The following TNNT3 variants were observed in gnomAD, a reference collection of about 807,000 sequenced individuals.
The protein encoded by TNNT3 is troponin T3, fast skeletal type.
Under a neutral mutation model 54.2 loss-of-function variants are expected in TNNT3, and 36 were observed. That is an observed-to-expected ratio of 0.66 (90% CI 0.51 to 0.88). The LOEUF (loss-of-function observed/expected upper bound fraction) is 0.88, where lower values mean the gene tolerates loss of function less well. TNNT3 is among the 40% of genes least tolerant of loss of function. TNNT3 has a pLI of 0.00. For synonymous variants in TNNT3, 120 were observed against 109.7 expected (o/e 1.09, Z -0.59); for missense variants, 291 against 331.6 (o/e 0.88, Z 0.95).
intron 9 of TNNT3, 46 bp from the exon 10 acceptor site, chr11:1,933,675 G>T (rs1489408000): frequency 1.3e-6 from 2 of 1,499,910 alleles, no homozygotes; most frequent in African/African-American, 1.4e-5. Context: ...GCAGGGCAGA[G>T]GTTGGAGAGA....
chr11:1,935,014 C>G (rs1005178635), intron 14 of TNNT3, 95 bp downstream of exon 14: 1 of 1,218,036 alleles, frequency 8.2e-7, no homozygotes, highest in Admixed American at 1.7e-5. Flanking sequence ...TCTGGACCTG[C>G]CCACCCCAGG....
intron 11 of TNNT3, 124 bp downstream of exon 11, chr11:1,934,132 T>A: frequency 8.2e-7 from 1 of 1,220,024 alleles, no homozygotes; most frequent in Non-Finnish European, 1.2e-6. Flanking sequence ...TCAGAACCAC[T>A]GGCTAAGGCC....
intron 8 of TNNT3, among the ~76,000 whole-genome samples, chr11:1,931,329 T>C (rs563990605): frequency 1.3e-5 from 2 of 152,358 alleles, no homozygotes; most frequent in East Asian, 3.9e-4. Context: ...AGTATGAATG[T>C]TCTTAAGGCT....
chr11:1,934,736 A>T, intron 13 of TNNT3, 81 bp downstream of exon 13: 1 of 1,597,220 alleles, frequency 6.3e-7, no homozygotes, highest in Non-Finnish European at 8.6e-7. Flanking sequence ...GCTGCCAAGG[A>T]CCGTGCTCCC....
At position 1,937,950 on chromosome 11, in the gene TNNT3, G is replaced by A. The variant is rs1032049750; in HGVS notation, c.723-488G>A. ...GCCGCGTCTGAATGGGGCCGGCCTCGCGGGCCGAAGCACTCCTGTCCTCCA... is the reference window on the plus strand; with the variant it reads ...GCCGCGTCTGAATGGGGCCGGCCTCACGGGCCGAAGCACTCCTGTCCTCCA... On this transcript the variant is annotated intron_variant, in intron 15 of 15. Coordinates refer to ENST00000278317, the MANE Select transcript of TNNT3 (RefSeq NM_006757.4). Among the ~76,000 whole-genome samples the A allele has an allele frequency of 5.9e-5, 9 of 152,282 alleles. No individual in the cohort carries two copies. The East Asian group carries it at 7.7e-4, about 13-fold the overall frequency.
intron 5 of TNNT3, among the ~76,000 whole-genome samples, chr11:1,925,815 G>A (rs888412815): frequency 2.1e-4 from 32 of 152,202 alleles, no homozygotes; most frequent in African/African-American, 7.7e-4. Flanking sequence ...CCCTTGAGGT[G>A]CACACAGGCT....
intron 1 of TNNT3, 178 bp from the exon 2 acceptor site, chr11:1,922,679 C>T: frequency 3.1e-6 from 2 of 655,452 alleles, no homozygotes; most frequent in Non-Finnish European, 2.8e-6. Flanking sequence ...GCCAGGAGCC[C>T]TGGAGAAAGG....
chr11:1,920,520 G>C (rs944016095), intron 1 of TNNT3, among the ~76,000 whole-genome samples: 36 of 133,788 alleles, frequency 2.7e-4, no homozygotes, highest in Non-Finnish European at 4.4e-4. Flanking sequence ...TGTGCCGTCT[G>C]ATCAGGCCTT....
chr11:1,934,892 G>A lies in TNNT3; in HGVS notation c.654G>A (p.Gly218=), dbSNP rs146734590. ...HQLEIDKFEF[G]EKLKRQKYDI... is the part of the protein sequence containing the mutation. ...TGGAGATTGACAAGTTCGAGTTTGG[G>A]GAGAAGCTGAAACGCCAGAAATATG... Residue 218 remains glycine (G), a synonymous_variant, in exon 14 of 16, where the codon GGG becomes GGA. Transcript: ENST00000278317. The A allele has an allele frequency of 6.2e-7, 1 of 1,613,638 alleles. No homozygotes were observed. The highest frequency in any genetic ancestry group is 1.1e-5 in the South Asian group (1 of 91,088).
At chr11:1,926,666 T>G in intron 5 of TNNT3, 29 bp from the exon 6 acceptor site, 1 of 1,613,402 alleles carries the variant, frequency 6.2e-7, no homozygotes, top group Non-Finnish European at 8.5e-7. Context: ...TCTCCCGCCC[T>G]TTCTGCCACC....
At chr11:1,936,915 A>T in intron 14 of TNNT3, 48 bp from the exon 15 acceptor site, 1 of 1,574,606 alleles carries the variant, frequency 6.4e-7, no homozygotes, top group Non-Finnish European at 8.6e-7. Context: ...CAGTACACGC[A>T]GGCCTGGCCC....
At chr11:1,920,870 A>G (rs1849948859) in intron 1 of TNNT3, among the ~76,000 whole-genome samples, 1 of 152,066 alleles carries the variant, frequency 6.6e-6, no homozygotes, top group African/African-American at 2.4e-5. Flanking sequence ...AACAGAGGCA[A>G]TGACACAGGC....
intron 7 of TNNT3, 86 bp from the exon 8 acceptor site, chr11:1,929,724 G>A (rs749078640): frequency 7.4e-6 from 11 of 1,483,946 alleles, no homozygotes; most frequent in African/African-American, 7.0e-5. Flanking sequence ...ACCCAGGGCC[G>A]CAGGCCGCCC....
intron 4 of TNNT3, among the ~76,000 whole-genome samples, chr11:1,923,984 C>A (rs1184819640): frequency 1.3e-5 from 2 of 150,988 alleles, no homozygotes; most frequent in Non-Finnish European, 2.9e-5. Context: ...ACCCTCCCGG[C>A]ATCTCAGAGT....
intron 7 of TNNT3, among the ~76,000 whole-genome samples, 200 bp from the exon 8 acceptor site, chr11:1,929,610 C>A (rs774332405): frequency 6.6e-6 from 1 of 152,270 alleles, no homozygotes. Context: ...CCCTCCAACC[C>A]TGCCAGGGGC....
intron 9 of TNNT3, 61 bp from the exon 10 acceptor site, chr11:1,933,660 G>A: frequency 1.5e-6 from 2 of 1,376,790 alleles, no homozygotes; most frequent in South Asian, 2.3e-5. Flanking sequence ...TGCAAGGCAG[G>A]CCAGGCAGGG....
At chr11:1,936,123 T>C in intron 14 of TNNT3, 1 of 1,465,306 alleles carries the variant, frequency 6.8e-7, no homozygotes, top group Non-Finnish European at 9.5e-7. Context: ...CTCCAGAGCC[T>C]GGAGGGCCAT....
rs537732634 is a variant in TNNT3, at chr11:1,923,975, C to T, written c.49+403C>T. Among the ~76,000 whole-genome samples, 27 of 146,898 alleles carry T rather than the reference C, an allele frequency of 1.8e-4. 1 individual carries two copies. In the South Asian group the frequency reaches 4.8e-3, roughly 26 times the overall value. On this transcript the variant is annotated intron_variant, in intron 4 of 15. Coordinates refer to ENST00000278317, the MANE Select transcript of TNNT3 (RefSeq NM_006757.4). ...CTCTCTGCCTCTCTCTCTATCTCTA[C>T]CCTCCCGGCATCTCAGAGTCTCTCC...
chr11:1,938,258 G>T, intron 15 of TNNT3, 180 bp from the exon 16 acceptor site: 1 of 702,904 alleles, frequency 1.4e-6, no homozygotes, highest in Non-Finnish European at 2.6e-6. Flanking sequence ...ACCTAGGCCC[G>T]CCAGGCACAG....
Sources: allele counts gnomAD v4.1 joint callset (sites outside exome capture counted in the v4.1 genomes callset), GRCh38; gene constraint gnomAD v4.1.1; transcripts MANE v1.5; gene names NCBI Gene and HGNC (gene_info 2026-07-23, HGNC 2026-07-21).